CSMD3: variants seen among roughly 807,000 people sequenced by gnomAD.
CSMD3 encodes CUB and sushi domain-containing protein 3.
CSMD3 carries 177 observed loss-of-function variants against 435.2 expected under a neutral mutation model. The observed-to-expected ratio is 0.41, with a 90% CI of 0.36 to 0.46. CSMD3 has a LOEUF of 0.46. Ranked by LOEUF, CSMD3 falls within the 20% of genes least tolerant of loss-of-function variation. The pLI is 0.34. For missense variants in CSMD3, 4,265 were observed against 4,504.6 expected (o/e 0.95, Z 1.52); for synonymous variants, 1,656 against 1,520.5 (o/e 1.09, Z -2.07).
intron 6 of CSMD3, among the ~76,000 whole-genome samples, chr8:113,010,115 T>A (rs759006342): frequency 6.6e-6 from 1 of 151,660 alleles, no homozygotes; most frequent in Non-Finnish European, 1.5e-5. Flanking sequence ...ATATTAAGAC[T>A]CAGAAAAGGT....
intron 5 of CSMD3, among the ~76,000 whole-genome samples, chr8:113,090,866 A>C (rs1351390): frequency 6.6e-6 from 1 of 151,886 alleles, no homozygotes; most frequent in East Asian, 1.9e-4. Flanking sequence ...CTCCAGAGAA[A>C]GTATTTCAAA....
chr8:112,661,300 G>A (rs1476548182), intron 17 of CSMD3, among the ~76,000 whole-genome samples: 1 of 152,078 alleles, frequency 6.6e-6, no homozygotes, highest in Non-Finnish European at 1.5e-5. Context: ...TTCAAATATA[G>A]GCTATACAGT....
intron 22 of CSMD3, among the ~76,000 whole-genome samples, chr8:112,622,827 G>A (rs1834180660): frequency 6.6e-6 from 1 of 152,080 alleles, no homozygotes; most frequent in Non-Finnish European, 1.5e-5. Flanking sequence ...GTTGATACAT[G>A]CAAATCACTT....
At chr8:112,721,236 G>A (rs137954850) in intron 13 of CSMD3, among the ~76,000 whole-genome samples, 356 of 152,196 alleles carry the variant, frequency 2.3e-3, no homozygotes, top group Non-Finnish European at 4.4e-3. Flanking sequence ...ATGAAAAACT[G>A]AATCTATGTG....
chr8:113,026,294 C>T (rs2086873596), intron 5 of CSMD3, among the ~76,000 whole-genome samples: 1 of 152,196 alleles, frequency 6.6e-6, no homozygotes, highest in African/African-American at 2.4e-5. Context: ...ATAGGTGCTT[C>T]ACTTACTTTC....
chr8:113,320,592 A>C (rs2093942840), intron 1 of CSMD3, among the ~76,000 whole-genome samples: 1 of 152,122 alleles, frequency 6.6e-6, no homozygotes, highest in Non-Finnish European at 1.5e-5. Context: ...TCTTGCAAAA[A>C]TTACTCATGA....
At chr8:113,321,328 A>G (rs1306360990) in intron 1 of CSMD3, among the ~76,000 whole-genome samples, 1 of 151,918 alleles carries the variant, frequency 6.6e-6, no homozygotes, top group Non-Finnish European at 1.5e-5. Context: ...TTAATTTTGG[A>G]GTGCTAAACT....
intron 45 of CSMD3, among the ~76,000 whole-genome samples, chr8:112,324,972 G>T (rs1277386908): frequency 5.9e-5 from 9 of 152,148 alleles, no homozygotes; most frequent in Non-Finnish European, 1.3e-4. Flanking sequence ...TAAAAGTCTT[G>T]ATTATGACCT....
chr8:112,773,820 G>C (rs997372701), intron 13 of CSMD3, among the ~76,000 whole-genome samples: 1 of 151,934 alleles, frequency 6.6e-6, no homozygotes, highest in Non-Finnish European at 1.5e-5. Context: ...TAGACGAAAA[G>C]TATATAAATA....
chr8:112,287,210 G>A lies in CSMD3; in HGVS notation c.9185C>T (p.Pro3062Leu), dbSNP rs2130636463. 1.9e-6 allele frequency: 3 copies of A among 1,613,618 alleles called. No homozygotes were observed. The highest frequency in any genetic ancestry group is 4.5e-5 in the East Asian group (2 of 44,864). Reference sequence around the variant, plus strand: ...GCTTTCCTGTCTAGAGCCATGGCCGGGAGTACCTGGATCGCCACATGTCCC... The same window carrying A: ...GCTTTCCTGTCTAGAGCCATGGCCGAGAGTACCTGGATCGCCACATGTCCC... ...ATGTCGDPGT[P>L]GHGSRQESNF... Residue 3062 changes from proline (P) to leucine (L), a missense_variant, in exon 58 of 71, where the codon CCC (proline) becomes CTC (leucine). Physicochemically the swap from Pro to Leu is moderately conservative, Grantham distance 98. Around this residue, in one of 3 missense-constraint regions of CSMD3, gnomAD observed 3,255 missense variants for 3,380.2 expected, o/e 0.96. Transcript: ENST00000297405.
chr8:113,218,532 T>C (rs1243931339), intron 3 of CSMD3, among the ~76,000 whole-genome samples: 3 of 149,320 alleles, frequency 2.0e-5, no homozygotes, highest in Non-Finnish European at 4.5e-5. Flanking sequence ...GAAGGTTGGT[T>C]TGAGATTTTA....
intron 45 of CSMD3, among the ~76,000 whole-genome samples, chr8:112,326,993 G>A (rs1823576508): frequency 6.6e-6 from 1 of 152,146 alleles, no homozygotes; most frequent in South Asian, 2.1e-4. Context: ...CTGCACTCCA[G>A]CCTGGGCGAC....
intron 63 of CSMD3, among the ~76,000 whole-genome samples, chr8:112,250,341 T>C (rs1815150258): frequency 6.6e-6 from 1 of 151,816 alleles, no homozygotes; most frequent in Non-Finnish European, 1.5e-5. Context: ...CCAACACATC[T>C]AATAAGATTT....
At chr8:112,504,568 G>A (rs1019215396) in intron 29 of CSMD3, among the ~76,000 whole-genome samples, 3 of 151,940 alleles carry the variant, frequency 2.0e-5, no homozygotes, top group Non-Finnish European at 2.9e-5. Flanking sequence ...TCTTTTTCCT[G>A]AAAGTAAATA....
At chr8:112,574,225 C>T (rs879533484) in intron 23 of CSMD3, among the ~76,000 whole-genome samples, 2 of 151,960 alleles carry the variant, frequency 1.3e-5, no homozygotes, top group Non-Finnish European at 2.9e-5. Context: ...AGCTCCCACA[C>T]ATCATTCTCA....
rs1822230810 is a variant in CSMD3 at position 112,313,968 on chromosome 8, A to G, written c.7634T>C (p.Val2545Ala). The change falls in exon 49 of 71, where the codon GTA (valine) becomes GCA (alanine). Residue 2545 changes from valine to alanine, a missense_variant. Coordinates refer to ENST00000297405, the MANE Select transcript of CSMD3 (RefSeq NM_198123.2). ...AFNITSNGHE[V>A]FLQWSADHGN... ...ATGATCTGCTGACCACTGAAGAAAT[A>G]CTTCATGACCATTGCTTGTTATATT... The G allele has an allele frequency of 1.7e-5, 28 of 1,611,584 alleles. No individual in the cohort carries two copies. Among genetic ancestry groups the G allele is most frequent in the African/African-American group, 2.7e-5 (2 of 74,868 alleles).
chr8:112,443,306 A>G (rs989199637), intron 32 of CSMD3, among the ~76,000 whole-genome samples: 2 of 152,212 alleles, frequency 1.3e-5, no homozygotes, highest in African/African-American at 4.8e-5. Flanking sequence ...TTATTTTGAA[A>G]TGACTTATCT....
intron 12 of CSMD3, among the ~76,000 whole-genome samples, chr8:112,802,647 A>AT (rs1473779713): frequency 5.9e-5 from 9 of 151,960 alleles, no homozygotes; most frequent in South Asian, 4.1e-4. Context: ...AAAAGATTTT[A>AT]TTTTTAATCA....
chr8:112,951,343 A>G (rs982526745), intron 8 of CSMD3, among the ~76,000 whole-genome samples: 3 of 151,964 alleles, frequency 2.0e-5, no homozygotes, highest in South Asian at 2.1e-4. Context: ...AATTACATGA[A>G]TAGTGTAAGT....
Sources: gnomAD v4.1 joint callset for allele counts (sites outside exome capture counted in the v4.1 genomes callset) on GRCh38, gnomAD v4.1.1 for gene constraint, gnomAD v4.1.1 regional missense constraint, MANE v1.5 for transcripts, NCBI Gene and HGNC (gene_info 2026-07-23, HGNC 2026-07-21) for gene names.